The following FHOD3 variants were observed in gnomAD, a reference collection of about 807,000 sequenced individuals.
The protein encoded by FHOD3 is FH1/FH2 domain-containing protein 3.
In FHOD3, 90 loss-of-function variants were observed where a neutral mutation model predicts 173.0. The ratio of observed to expected loss-of-function variants is 0.52; its 90% CI spans 0.44 to 0.62. FHOD3 has a LOEUF of 0.62. Ranked by LOEUF, FHOD3 falls within the 20% of genes least tolerant of loss-of-function variation. The pLI, the probability that FHOD3 is intolerant of heterozygous loss-of-function variation, is 0.00. For synonymous variants in FHOD3, 828 were observed against 823.0 expected, an observed-to-expected ratio of 1.01 and a Z score of -0.10; for missense variants, 1,945 against 2,034.7, an observed-to-expected ratio of 0.96 and a Z score of 0.85.
At chr18:36,415,469 T>TA (rs373336424) in intron 3 of FHOD3, among the ~76,000 whole-genome samples, 107 of 152,318 alleles carry the variant, frequency 7.0e-4, no homozygotes, top group Middle Eastern at 3.4e-3. Flanking sequence ...TGTGACTTCT[T>TA]AAAACCTTGT....
intron 5 of FHOD3, among the ~76,000 whole-genome samples, chr18:36,549,591 G>A (rs1036910150): frequency 2.2e-4 from 29 of 131,896 alleles, no homozygotes; most frequent in Admixed American, 1.4e-3. Context: ...AGGCTGGAGT[G>A]CAGTGGTGTG....
chr18:36,621,541 G>C (rs2033708486), intron 9 of FHOD3, among the ~76,000 whole-genome samples: 1 of 152,082 alleles, frequency 6.6e-6, no homozygotes, highest in South Asian at 2.1e-4. Context: ...CTGTTGGCTG[G>C]GCCATGTGTC....
intron 1 of FHOD3, among the ~76,000 whole-genome samples, chr18:36,308,194 T>C (rs376213471): frequency 1.3e-5 from 2 of 152,256 alleles, no homozygotes; most frequent in African/African-American, 4.8e-5. Flanking sequence ...AGTGCTATAA[T>C]ACATACCTGC....
chr18:36,748,865 G>A (rs2150133865), intron 24 of FHOD3, among the ~76,000 whole-genome samples: 1 of 152,276 alleles, frequency 6.6e-6, no homozygotes, highest in Non-Finnish European at 1.5e-5. Flanking sequence ...GGAGGACTGA[G>A]AGCCCCAAGG....
Position 36,474,310 on chromosome 18 carries a change from C to T in FHOD3, c.338-27622C>T, listed in dbSNP as rs541299842. Among the ~76,000 whole-genome samples the T allele has an allele frequency of 2.6e-5, 4 of 152,138 alleles. No individual in the cohort carries two copies. In the South Asian group the frequency reaches 6.2e-4, roughly 24 times the overall value. ...CTTCTTTTTGTCCCATAAGTTGGTT[C>T]AGTGCCTGCAGGAGGGATATGCGCA... On this transcript the variant is annotated intron_variant, in intron 3 of 28. Transcript: ENST00000590592.
intron 28 of FHOD3, among the ~76,000 whole-genome samples, chr18:36,775,696 G>T (rs940356370): frequency 2.0e-5 from 3 of 152,188 alleles, no homozygotes; most frequent in Non-Finnish European, 2.9e-5. Flanking sequence ...TAGGGAGGAA[G>T]AAAAAGAACT....
intron 14 of FHOD3, among the ~76,000 whole-genome samples, chr18:36,661,795 A>G (rs1273174921): frequency 6.6e-6 from 1 of 152,248 alleles, no homozygotes; most frequent in Admixed American, 6.5e-5. Context: ...GGATATTAAA[A>G]TGAATCCATC....
intron 13 of FHOD3, among the ~76,000 whole-genome samples, chr18:36,655,330 C>T (rs1175271856): frequency 6.6e-6 from 1 of 152,076 alleles, no homozygotes; most frequent in African/African-American, 2.4e-5. Context: ...GGTGGTGATG[C>T]TGGTCTTTCT....
At chr18:36,568,063 C>G (rs2058327539) in intron 5 of FHOD3, among the ~76,000 whole-genome samples, 1 of 151,226 alleles carries the variant, frequency 6.6e-6, no homozygotes, top group Non-Finnish European at 1.5e-5. Flanking sequence ...GTGGCTCAAG[C>G]CTGTAATCCC....
intron 5 of FHOD3, among the ~76,000 whole-genome samples, chr18:36,523,525 T>A (rs1478506176): frequency 6.6e-6 from 1 of 152,238 alleles, no homozygotes; most frequent in Non-Finnish European, 1.5e-5. Flanking sequence ...GTCAGTAGCT[T>A]CAGAGCTGAA....
intron 5 of FHOD3, among the ~76,000 whole-genome samples, chr18:36,533,007 A>C (rs546422758): frequency 6.6e-6 from 1 of 152,214 alleles, no homozygotes; most frequent in East Asian, 1.9e-4. Flanking sequence ...CCACAGTGGG[A>C]GGGGCTTTGT....
At chr18:36,692,111 A>G (rs544230275) in intron 16 of FHOD3, among the ~76,000 whole-genome samples, 1 of 152,248 alleles carries the variant, frequency 6.6e-6, no homozygotes, top group East Asian at 1.9e-4. Context: ...TTGGGCTGGC[A>G]GGGAAAAGGG....
chr18:36,502,583 T>C (rs2146070313), intron 4 of FHOD3, among the ~76,000 whole-genome samples: 1 of 152,346 alleles, frequency 6.6e-6, no homozygotes, highest in Admixed American at 6.5e-5. Flanking sequence ...CTCATTCTTT[T>C]TTATGGCTGC....
At chr18:36,400,207 A>G (rs1307499396) in intron 3 of FHOD3, among the ~76,000 whole-genome samples, 1 of 152,252 alleles carries the variant, frequency 6.6e-6, no homozygotes, top group Admixed American at 6.5e-5. Context: ...TGAACTGGAA[A>G]TGAAATATGC....
intron 3 of FHOD3, among the ~76,000 whole-genome samples, chr18:36,435,300 G>A (rs956129672): frequency 1.3e-5 from 2 of 152,012 alleles, no homozygotes; most frequent in Non-Finnish European, 2.9e-5. Context: ...ATGTTATTCT[G>A]TGAGAATTTA....
intron 3 of FHOD3, among the ~76,000 whole-genome samples, chr18:36,425,867 A>G (rs1473672270): frequency 1.3e-5 from 2 of 151,104 alleles, no homozygotes; most frequent in African/African-American, 4.9e-5. Flanking sequence ...TTGTGCTGCA[A>G]CTCTGGGAAG....
intron 25 of FHOD3, among the ~76,000 whole-genome samples, chr18:36,757,857 C>T (rs2042697419): frequency 6.6e-6 from 1 of 152,178 alleles, no homozygotes; most frequent in African/African-American, 2.4e-5. Context: ...CAACACGAGG[C>T]ACCTACAGCC....
intron 14 of FHOD3, among the ~76,000 whole-genome samples, chr18:36,670,176 T>C (rs546549841): frequency 1.3e-5 from 2 of 152,230 alleles, no homozygotes; most frequent in South Asian, 2.1e-4. Flanking sequence ...AACTCTGTCA[T>C]TGGTTTTTAG....
At chr18:36,583,467 G>C (rs1463961963) in intron 6 of FHOD3, among the ~76,000 whole-genome samples, 1 of 152,178 alleles carries the variant, frequency 6.6e-6, no homozygotes, top group Non-Finnish European at 1.5e-5. Flanking sequence ...CCCCCACCTT[G>C]TTGACCTTCC....
Sources: allele counts gnomAD v4.1 joint callset (sites outside exome capture counted in the v4.1 genomes callset), GRCh38; gene constraint gnomAD v4.1.1; transcripts MANE v1.5; gene names NCBI Gene and HGNC (gene_info 2026-07-23, HGNC 2026-07-21).